Variants in KLK2 observed in about 807,000 individuals in gnomAD.
KLK2 encodes the protein kallikrein related peptidase 2, also known as kallikrein-2.
Under a neutral mutation model 23.0 loss-of-function variants are expected in KLK2, and 17 were observed. That is an observed-to-expected ratio of 0.74 (90% CI 0.51 to 1.11). The LOEUF (loss-of-function observed/expected upper bound fraction) is 1.11, where lower values mean the gene tolerates loss of function less well. Among genes scored for constraint, KLK2 ranks in the 50% least tolerant of loss-of-function variants. The probability of loss-of-function intolerance (pLI) is 0.00; values close to 1 mark genes in which losing one functional copy is unlikely to be tolerated. For missense variants in KLK2, 330 were observed against 325.9 expected (o/e 1.01, Z -0.10); for synonymous variants, 140 against 124.7 (o/e 1.12, Z -0.82).
At chr19:50,873,900 C>A in intron 1 of KLK2, 1 of 233,976 alleles carries the variant, frequency 4.3e-6, no homozygotes, top group Non-Finnish European at 8.3e-6. Flanking sequence ...AGTCTACTGA[C>A]TTTTCCTATT....
chr19:50,875,475 G>A lies in KLK2; in HGVS notation c.206+595G>A, dbSNP rs1315786463. 3.3e-5 allele frequency among the ~76,000 whole-genome samples: 5 copies of A among 152,308 alleles called. No homozygotes were observed. In the East Asian group the frequency reaches 7.7e-4, roughly 24 times the overall value. ...AGCTGTAGCTGGGTGCACAATTGAG[G>A]AGGGAGGAAGGAGAAGGGGAAACAA... is the stretch of plus-strand genomic sequence containing the variant. On this transcript the variant is annotated intron_variant, in intron 2 of 4. Coordinates refer to ENST00000325321, the MANE Select transcript of KLK2 (RefSeq NM_005551.5).
rs2090312140 is a variant in KLK2 at position 50,878,494 on chromosome 19, G to C, written c.721G>C (p.Ala241Pro). Residue 241 changes from alanine to proline, a missense_variant, in exon 5 of 5, where the codon GCT becomes CCT. By Grantham distance (27) the Ala-to-Pro change is conservative. Coordinates refer to ENST00000325321, the MANE Select transcript of KLK2 (RefSeq NM_005551.5). Reference sequence around the variant, plus strand: ...GCCATGTGCCCTGCCTGAAAAGCCTGCTGTGTACACCAAGGTGGTGCATTA... The same window carrying C: ...GCCATGTGCCCTGCCTGAAAAGCCTCCTGTGTACACCAAGGTGGTGCATTA... The part of the protein sequence containing the change: ...PEPCALPEKP[A>P]VYTKVVHYRK... 1 of 1,614,130 alleles carries C rather than the reference G, an allele frequency of 6.2e-7. No homozygotes were observed. The highest frequency in any genetic ancestry group is 8.5e-7 in the Non-Finnish European group (1 of 1,179,972).
chr19:50,877,516 G>A, intron 4 of KLK2: 1 of 170,464 alleles, frequency 5.9e-6, no homozygotes, highest in Non-Finnish European at 1.3e-5. Flanking sequence ...GCACCTGGGG[G>A]AGCAGAGGGA....
chr19:50,878,788 G>A lies in KLK2; in HGVS notation c.*229G>A, dbSNP rs992596884. On this transcript the variant is annotated 3_prime_UTR_variant, in exon 5 of 5. Transcript: ENST00000325321. ...ATGTTTCTGAAATGGGTATAATTTC[G>A]TCCTCTCCTTCGGAACACTGGCTGT... 56 of 435,248 alleles carry A rather than the reference G, an allele frequency of 1.3e-4. 1 individual carries two copies. The Admixed American group carries it at 1.9e-3, about 15-fold the overall frequency. The allele number at this position is 435,248 out of a possible 1,614,324, so 27.0% of individuals were successfully genotyped here.
At position 50,878,493 on chromosome 19, in the gene KLK2, T is replaced by G; in HGVS notation, c.720T>G (p.Pro240=). ...GPEPCALPEK[P]AVYTKVVHYR... ...AGCCATGTGCCCTGCCTGAAAAGCC[T>G]GCTGTGTACACCAAGGTGGTGCATT... The change falls in exon 5 of 5, where the codon CCT becomes CCG. Residue 240 remains proline, a synonymous_variant. Transcript: ENST00000325321. 1 of 1,614,124 alleles carries G rather than the reference T, an allele frequency of 6.2e-7. No homozygotes were observed. Among genetic ancestry groups the G allele is most frequent in the South Asian group, 1.1e-5 (1 of 91,082 alleles).
In KLK2 at chr19:50,879,096, T is replaced by C. The variant is rs2090318284; in HGVS notation, c.*537T>C. On this transcript the variant is annotated 3_prime_UTR_variant, in exon 5 of 5. Coordinates refer to ENST00000325321, the MANE Select transcript of KLK2 (RefSeq NM_005551.5). ...CAGAAAGAAGGGGAGGATCCTCCTA[T>C]GTTGTTGAAGGAGGGACTAGGGGGA... is the stretch of plus-strand genomic sequence containing the variant. 4.3e-6 allele frequency: 1 copy of C among 233,054 alleles called. No homozygotes were observed. The highest frequency in any genetic ancestry group is 8.5e-6 in the Non-Finnish European group (1 of 118,070). 14.4% of individuals were successfully genotyped at this position (233,054 alleles called of 1,614,324 possible).
At position 50,877,011 on chromosome 19, in the gene KLK2, G is replaced by C. The variant is rs2090296468; in HGVS notation, c.630+3G>C. On this transcript the variant is annotated splice_donor_region_variant and intron_variant, in intron 4 of 4. Coordinates refer to ENST00000325321, the MANE Select transcript of KLK2 (RefSeq NM_005551.5). ...CAGGTGGTAAAGACACTTGTGGGGTGAGTCATCCCTACTCCCAACATCTGG... is the reference window on the plus strand; with the variant it reads ...CAGGTGGTAAAGACACTTGTGGGGTCAGTCATCCCTACTCCCAACATCTGG... The C allele has an allele frequency of 2.5e-6, 4 of 1,614,130 alleles. No individual in the cohort carries two copies. In the Middle Eastern group the frequency reaches 4.9e-4, roughly 200 times the overall value.
At position 50,876,466 on chromosome 19, in the gene KLK2, C is replaced by T; in HGVS notation, c.207-6C>T. On this transcript the variant is annotated splice_polypyrimidine_tract_variant and splice_region_variant and intron_variant, in intron 2 of 4. Coordinates refer to ENST00000325321, the MANE Select transcript of KLK2 (RefSeq NM_005551.5). The stretch of plus-strand genomic sequence containing the variant: ...CTCCTCATGCATCCACCCCCTTCCT[C>T]CCCAGGAATAGCCAGGTCTGGCTGG... The T allele has an allele frequency of 1.9e-6, 3 of 1,613,848 alleles. No individual in the cohort carries two copies. The highest frequency in any genetic ancestry group is 2.5e-6 in the Non-Finnish European group (3 of 1,179,788).
intron 2 of KLK2, among the ~76,000 whole-genome samples, chr19:50,875,356 C>G (rs2090272060): frequency 6.6e-6 from 1 of 152,196 alleles, no homozygotes; most frequent in Admixed American, 6.5e-5. Context: ...ACTTTAAGCT[C>G]AATGTGTGTG....
chr19:50,878,487 A>C lies in KLK2; in HGVS notation c.714A>C (p.Glu238Asp). 6.2e-7 allele frequency: 1 copy of C among 1,614,100 alleles called. No homozygotes were observed. The highest frequency in any genetic ancestry group is 8.5e-7 in the Non-Finnish European group (1 of 1,179,974). Residue 238 changes from glutamate (E) to aspartate (D), a missense_variant, in exon 5 of 5, where the codon GAA becomes GAC. Glu to Asp is a conservative substitution (Grantham distance 45). Transcript: ENST00000325321. The part of the protein sequence containing the change: ...SWGPEPCALP[E>D]KPAVYTKVVH... ...GCCCTGAGCCATGTGCCCTGCCTGA[A>C]AAGCCTGCTGTGTACACCAAGGTGG...
At position 50,876,597 on chromosome 19, in the gene KLK2, T is replaced by C. The variant is rs750356253; in HGVS notation, c.332T>C (p.Leu111Pro). The C allele has an allele frequency of 1.1e-5, 18 of 1,614,182 alleles. No individual in the cohort carries two copies. Among genetic ancestry groups the C allele is most frequent in the Non-Finnish European group, 1.5e-5 (18 of 1,180,028 alleles). Residue 111 changes from leucine (L) to proline (P), a missense_variant, in exon 3 of 5, where the codon CTT becomes CCT. Coordinates refer to ENST00000325321, the MANE Select transcript of KLK2 (RefSeq NM_005551.5). The part of the protein sequence containing the change: ...YNMSLLKHQS[L>P]RPDEDSSHDL... ...ATGAGCCTTCTGAAGCATCAAAGCC[T>C]TAGACCAGATGAAGACTCCAGCCAT...
Position 50,873,512 on chromosome 19 carries a change from G to C in KLK2, c.39G>C (p.Gly13=). The change falls in exon 1 of 5, where the codon GGG becomes GGC. Residue 13 remains glycine (G), a synonymous_variant. Coordinates refer to ENST00000325321, the MANE Select transcript of KLK2 (RefSeq NM_005551.5). ...TTCTCTCCATCGCCTTGTCTGTGGG[G>C]TGCACTGGTGAGATTGGGGGGATAA... The part of the protein sequence containing the change: ...DLVLSIALSV[G]CTGAVPLIQS... 1 of 1,591,378 alleles carries C rather than the reference G, an allele frequency of 6.3e-7. No individual in the cohort carries two copies. The highest frequency in any genetic ancestry group is 1.3e-5 in the African/African-American group (1 of 74,406).
intron 4 of KLK2, 176 bp downstream of exon 4, chr19:50,877,184 CAA>C (rs1468079233): frequency 1.4e-6 from 1 of 735,686 alleles, no homozygotes; most frequent in Admixed American, 2.6e-5. Flanking sequence ...TCCCTCAACA[CAA>C]GAGGTGATTC....
chr19:50,874,998 G>A (rs2090268477), intron 2 of KLK2, 118 bp downstream of exon 2: 3 of 1,422,818 alleles, frequency 2.1e-6, no homozygotes, highest in South Asian at 3.1e-5. Flanking sequence ...GAGAGGGAAG[G>A]TCCTGGCCCA....
rs775095604 is a variant in KLK2, at chr19:50,876,910, C to G, written c.532C>G (p.Leu178Val). 6.2e-7 allele frequency: 1 copy of G among 1,614,046 alleles called. No homozygotes were observed. Among genetic ancestry groups the G allele is most frequent in the Admixed American group, 1.7e-5 (1 of 60,004 alleles). Residue 178 changes from leucine (L) to valine (V), a missense_variant, in exon 4 of 5, where the codon CTC becomes GTC. By Grantham distance (32) the Leu-to-Val change is conservative. Transcript: ENST00000325321. ...GAGTCTTCAGTGTGTGAGCCTCCAT[C>G]TCCTGTCCAATGACATGTGTGCTAG... ...PRSLQCVSLH[L>V]LSNDMCARAY...
intron 2 of KLK2, 159 bp from the exon 3 acceptor site, chr19:50,876,312 TA>T: frequency 1.6e-6 from 1 of 635,556 alleles, no homozygotes. Flanking sequence ...TCCTGTTTTC[TA>T]ACTCACTGTC....
In KLK2 at chr19:50,874,554, G is replaced by A. The variant is rs949106920; in HGVS notation, c.47-167G>A. On this transcript the variant is annotated intron_variant, in intron 1 of 4. Coordinates refer to ENST00000325321, the MANE Select transcript of KLK2 (RefSeq NM_005551.5). ...CTGGTCCAGCCACCAACCCGCTAAC[G>A]CAGGGAATAGCTACAGAATTGCCAG... The A allele has an allele frequency of 3.4e-5, 19 of 558,800 alleles. 1 individual carries two copies. Among genetic ancestry groups the A allele is most frequent in the Non-Finnish European group, 5.7e-5 (18 of 317,810 alleles). 34.6% of individuals were successfully genotyped at this position (558,800 alleles called of 1,614,324 possible). A position where few individuals can be genotyped will look rare whatever the true frequency, so the allele number is the denominator to read the frequency against.
chr19:50,876,138 C>T, intron 2 of KLK2: 9 of 319,420 alleles, frequency 2.8e-5, no homozygotes, highest in East Asian at 5.9e-5. Flanking sequence ...TTCTTTCTCC[C>T]TTCCTCTTCC....
Position 50,880,343 on chromosome 19 carries a change from G to A in KLK2, c.*1784G>A, listed in dbSNP as rs866058714. On this transcript the variant is annotated 3_prime_UTR_variant, in exon 5 of 5. Transcript: ENST00000325321. ...GACGGTGGGGCAAACTCTGATTTCC[G>A]TGGGGGAATGTCATGGTCTTGCTTT... The A allele has an allele frequency of 1.1e-4, 24 of 224,776 alleles. No homozygotes were observed. Among genetic ancestry groups the A allele is most frequent in the African/African-American group, 3.3e-4 (15 of 44,904 alleles). The allele number at this position is 224,776 out of a possible 1,614,324, so 13.9% of individuals were successfully genotyped here.
Sources: allele counts gnomAD v4.1 joint callset (sites outside exome capture counted in the v4.1 genomes callset), GRCh38; gene constraint gnomAD v4.1.1; transcripts MANE v1.5; gene names NCBI Gene and HGNC (gene_info 2026-07-23, HGNC 2026-07-21).